The following ACOXL variants were observed in gnomAD, a reference collection of about 807,000 sequenced individuals.
The protein encoded by ACOXL is acyl-CoA oxidase like, also known as acyl-coenzyme A oxidase-like protein.
Under a neutral mutation model 71.9 loss-of-function variants are expected in ACOXL, and 70 were observed. The observed-to-expected ratio is 0.97, with a 90% CI of 0.80 to 1.19. The LOEUF (loss-of-function observed/expected upper bound fraction) is 1.19. Among genes scored for constraint, ACOXL ranks in the 50% most tolerant of loss-of-function variants. ACOXL has a pLI of 0.00. For synonymous variants in ACOXL, 253 were observed against 281.6 expected, an observed-to-expected ratio of 0.90 and a Z score of 1.02; for missense variants, 703 against 736.3, an observed-to-expected ratio of 0.95 and a Z score of 0.52.
chr2:110,842,495 G>T (rs1573786814), intron 10 of ACOXL, among the ~76,000 whole-genome samples: 2 of 152,188 alleles, frequency 1.3e-5, no homozygotes, highest in African/African-American at 4.8e-5. Context: ...TATATAACAT[G>T]GGAGCTCTCA....
chr2:110,906,119 C>T (rs559062800), intron 10 of ACOXL, among the ~76,000 whole-genome samples: 4 of 152,238 alleles, frequency 2.6e-5, no homozygotes, highest in Non-Finnish European at 4.4e-5. Flanking sequence ...CTCTGCTTTG[C>T]TTTTTTTGCA....
intron 9 of ACOXL, among the ~76,000 whole-genome samples, chr2:110,817,198 C>T (rs1051072721): frequency 2.0e-5 from 3 of 152,172 alleles, no homozygotes; most frequent in African/African-American, 2.4e-5. Context: ...GATGGTCTCC[C>T]GTGGGCTAGG....
intron 10 of ACOXL, among the ~76,000 whole-genome samples, chr2:110,880,153 C>CAAAAAAAAAAAAAA (rs56852121): frequency 1.3e-3 from 107 of 84,450 alleles, no homozygotes; most frequent in South Asian, 1.8e-3. Flanking sequence ...CTGTCACAAA[C>CAAAAAAAAAAAAAA]AAAAAAAAAA....
intron 1 of ACOXL, among the ~76,000 whole-genome samples, chr2:110,753,485 G>A (rs919998404): frequency 2.6e-5 from 4 of 152,172 alleles, no homozygotes; most frequent in Non-Finnish European, 4.4e-5. Context: ...TTCCTCCAGA[G>A]CAAGTGACCC....
intron 9 of ACOXL, among the ~76,000 whole-genome samples, chr2:110,828,655 G>C (rs545326862): frequency 7.2e-5 from 11 of 152,352 alleles, no homozygotes; most frequent in African/African-American, 2.2e-4. Flanking sequence ...CTGTGAGTAA[G>C]GAGCCGTTGT....
intron 16 of ACOXL, among the ~76,000 whole-genome samples, chr2:111,084,357 A>G (rs1301133005): frequency 6.6e-6 from 1 of 151,922 alleles, no homozygotes; most frequent in African/African-American, 2.4e-5. Context: ...TATAAACACA[A>G]AGCATTTAAT....
chr2:110,870,417 G>T (rs112099006), intron 10 of ACOXL, among the ~76,000 whole-genome samples: 136 of 152,136 alleles, frequency 8.9e-4, no homozygotes, highest in African/African-American at 3.2e-3. Context: ...AACAATTGGG[G>T]TATAGGTTGA....
chr2:110,899,781 C>T (rs1336058069), intron 10 of ACOXL, among the ~76,000 whole-genome samples: 2 of 152,110 alleles, frequency 1.3e-5, no homozygotes, highest in African/African-American at 4.8e-5. Flanking sequence ...CTAACATTAA[C>T]CACTCTGTCA....
intron 10 of ACOXL, among the ~76,000 whole-genome samples, chr2:110,868,700 C>T (rs1036162915): frequency 1.3e-5 from 2 of 152,134 alleles, no homozygotes; most frequent in Non-Finnish European, 2.9e-5. Context: ...GTGATTCTTT[C>T]ACCTCAGCCT....
chr2:110,819,354 A>C (rs1688336905), intron 9 of ACOXL, among the ~76,000 whole-genome samples: 1 of 152,220 alleles, frequency 6.6e-6, no homozygotes, highest in Non-Finnish European at 1.5e-5. Flanking sequence ...TTGGTTAAAC[A>C]TGGAGAACGC....
chr2:111,084,899 GAAA>G (rs113297442), intron 16 of ACOXL, among the ~76,000 whole-genome samples: 12 of 112,920 alleles, frequency 1.1e-4, no homozygotes, highest in Admixed American at 4.6e-4. Flanking sequence ...TGGAAAACAG[GAAA>G]AAAAAAAAAA....
chr2:110,761,958 G>A (rs905486765), intron 1 of ACOXL, among the ~76,000 whole-genome samples: 13 of 152,108 alleles, frequency 8.5e-5, no homozygotes, highest in African/African-American at 3.1e-4. Context: ...TCTTTCTTCT[G>A]ATTGGCTCTA....
intron 12 of ACOXL, among the ~76,000 whole-genome samples, chr2:110,961,206 C>T (rs1035377283): frequency 5.3e-5 from 8 of 152,294 alleles, no homozygotes; most frequent in South Asian, 4.1e-4. Context: ...CCTGTTACCT[C>T]AGTTCTCAAG....
chr2:111,098,790 A>G (rs1209329631), intron 17 of ACOXL: 1 of 152,254 alleles, frequency 6.6e-6, no homozygotes, highest in Non-Finnish European at 1.5e-5. Flanking sequence ...AAGTTAGCAT[A>G]GGGAGATAGC....
intron 15 of ACOXL, among the ~76,000 whole-genome samples, chr2:111,042,360 C>T (rs887434314): frequency 6.6e-6 from 1 of 152,210 alleles, no homozygotes; most frequent in African/African-American, 2.4e-5. Context: ...AACACAGCGC[C>T]CACACACACA....
At chr2:111,052,903 G>C (rs2066363511) in intron 16 of ACOXL, among the ~76,000 whole-genome samples, 2 of 152,002 alleles carry the variant, frequency 1.3e-5, no homozygotes, top group Admixed American at 1.3e-4. Flanking sequence ...CCCTGTCCCG[G>C]AGCTGCCATG....
At chr2:110,957,646 G>A (rs1361180748) in intron 12 of ACOXL, among the ~76,000 whole-genome samples, 1 of 152,102 alleles carries the variant, frequency 6.6e-6, no homozygotes, top group Non-Finnish European at 1.5e-5. Flanking sequence ...AGGATGCCAG[G>A]CAATATTGAA....
At chr2:110,788,672 T>C (rs1046837738) in intron 3 of ACOXL, among the ~76,000 whole-genome samples, 1 of 152,236 alleles carries the variant, frequency 6.6e-6, no homozygotes, top group South Asian at 2.1e-4. Flanking sequence ...AAAATGACAA[T>C]TAAAAATTAT....
intron 10 of ACOXL, among the ~76,000 whole-genome samples, chr2:110,870,482 A>G (rs1017106675): frequency 2.0e-5 from 3 of 152,138 alleles, no homozygotes; most frequent in Non-Finnish European, 4.4e-5. Context: ...GCATTTATCT[A>G]TGTTGTGACA....
Sources: allele counts gnomAD v4.1 joint callset (sites outside exome capture counted in the v4.1 genomes callset), GRCh38; gene constraint gnomAD v4.1.1; transcripts MANE v1.5; gene names NCBI Gene and HGNC (gene_info 2026-07-23, HGNC 2026-07-21).